The following PARD3 variants were observed in gnomAD, a reference collection of about 807,000 sequenced individuals.
The protein encoded by PARD3 is par-3 family cell polarity regulator.
In PARD3, 75 loss-of-function variants were observed where a neutral mutation model predicts 155.4. The ratio of observed to expected loss-of-function variants is 0.48; its 90% CI spans 0.40 to 0.58. The LOEUF (loss-of-function observed/expected upper bound fraction) is 0.58. Among genes scored for constraint, PARD3 ranks in the 20% least tolerant of loss-of-function variants. The pLI, the probability that PARD3 is intolerant of heterozygous loss-of-function variation, is 0.00. For synonymous variants in PARD3, 576 were observed against 610.5 expected, an observed-to-expected ratio of 0.94 and a Z score of 0.83; for missense variants, 1,642 against 1,721.7, an observed-to-expected ratio of 0.95 and a Z score of 0.82.
chr10:34,443,903 G>T (rs1448301160), intron 5 of PARD3, among the ~76,000 whole-genome samples: 1 of 152,192 alleles, frequency 6.6e-6, no homozygotes, highest in Non-Finnish European at 1.5e-5. Flanking sequence ...CTGAGACTTT[G>T]AGACTTGACA....
intron 23 of PARD3, among the ~76,000 whole-genome samples, chr10:34,131,169 A>G (rs1321129755): frequency 6.6e-6 from 1 of 152,258 alleles, no homozygotes; most frequent in Non-Finnish European, 1.5e-5. Flanking sequence ...ATCTACAGAA[A>G]AATATTTACT....
chr10:34,364,604 TTC>T (rs902615141), intron 12 of PARD3, among the ~76,000 whole-genome samples: 1 of 152,110 alleles, frequency 6.6e-6, no homozygotes, highest in Non-Finnish European at 1.5e-5. Context: ...GACTAACTTT[TTC>T]TCTTTTTTGT....
At chr10:34,573,524 A>C (rs1203325268) in intron 2 of PARD3, among the ~76,000 whole-genome samples, 2 of 152,096 alleles carry the variant, frequency 1.3e-5, no homozygotes, top group African/African-American at 2.4e-5. Flanking sequence ...CAACATGGTA[A>C]AACACCATCT....
chr10:34,538,280 A>T (rs963641405), intron 2 of PARD3, among the ~76,000 whole-genome samples: 15 of 152,260 alleles, frequency 9.9e-5, no homozygotes, highest in African/African-American at 3.4e-4. Flanking sequence ...TAAAAACAAC[A>T]GGAACATCAA....
intron 22 of PARD3, among the ~76,000 whole-genome samples, chr10:34,182,287 C>T (rs1252148868): frequency 6.6e-6 from 1 of 152,168 alleles, no homozygotes; most frequent in Non-Finnish European, 1.5e-5. Flanking sequence ...GTTCAAAATA[C>T]TTGAAGAGAA....
intron 2 of PARD3, among the ~76,000 whole-genome samples, chr10:34,640,872 T>C (rs1564450191): frequency 1.3e-5 from 2 of 151,884 alleles, no homozygotes; most frequent in East Asian, 1.9e-4. Context: ...TTGTGTTTTA[T>C]GGGGGAAAAA....
rs78723645 is a variant in PARD3, at chr10:34,468,793, G to A, written c.582+1292C>T. The stretch of plus-strand genomic sequence containing the variant: ...TTGTCACTAGAATTACTACAGAGAG[G>A]AGTGTGCTGAAATGCAAACCAAAGT... On this transcript the variant is annotated intron_variant, in intron 4 of 24. Transcript: ENST00000374788. Among the ~76,000 whole-genome samples, 58 of 152,188 alleles carry A rather than the reference G, an allele frequency of 3.8e-4. No homozygotes were observed. In the East Asian group the frequency reaches 0.011, roughly 28 times the overall value.
intron 24 of PARD3, among the ~76,000 whole-genome samples, chr10:34,112,961 T>C (rs1946465121): frequency 6.6e-6 from 1 of 152,246 alleles, no homozygotes; most frequent in South Asian, 2.1e-4. Flanking sequence ...TGTGATGGAA[T>C]AGTTTATTTG....
At chr10:34,233,500 T>C (rs1048960858) in intron 22 of PARD3, among the ~76,000 whole-genome samples, 2 of 152,040 alleles carry the variant, frequency 1.3e-5, no homozygotes, top group Non-Finnish European at 2.9e-5. Context: ...CCAGTCTACA[T>C]GTCTTCTCTG....
chr10:34,567,435 C>A (rs946589347), intron 2 of PARD3, among the ~76,000 whole-genome samples: 1 of 152,038 alleles, frequency 6.6e-6, no homozygotes, highest in African/African-American at 2.4e-5. Flanking sequence ...ACTGTGATTA[C>A]CAATATTATA....
At chr10:34,380,753 T>C (rs1841738606) in intron 9 of PARD3, among the ~76,000 whole-genome samples, 1 of 152,196 alleles carries the variant, frequency 6.6e-6, no homozygotes, top group Admixed American at 6.5e-5. Flanking sequence ...ATTAACTAAA[T>C]GAATATTGCT....
chr10:34,768,615 T>C (rs1215876404), intron 1 of PARD3, among the ~76,000 whole-genome samples: 1 of 152,224 alleles, frequency 6.6e-6, no homozygotes, highest in Non-Finnish European at 1.5e-5. Flanking sequence ...GCCTTTTCCC[T>C]GCTTAGTGAT....
chr10:34,368,597 G>C (rs949756946), intron 12 of PARD3, among the ~76,000 whole-genome samples: 5 of 151,784 alleles, frequency 3.3e-5, no homozygotes, highest in Non-Finnish European at 7.4e-5. Context: ...GTGTGAACCC[G>C]GGGGGTGGAG....
intron 21 of PARD3, among the ~76,000 whole-genome samples, chr10:34,279,132 T>C (rs1057448533): frequency 2.7e-5 from 4 of 146,412 alleles, no homozygotes; most frequent in Admixed American, 2.1e-4. Context: ...TATTCATCTA[T>C]ATTTTTTCCT....
intron 2 of PARD3, among the ~76,000 whole-genome samples, chr10:34,690,169 C>T (rs2094028859): frequency 6.6e-6 from 1 of 152,160 alleles, no homozygotes; most frequent in African/African-American, 2.4e-5. Flanking sequence ...ATCCTGATTT[C>T]CTGACCTCAA....
In PARD3 at chr10:34,284,221, G is replaced by T; in HGVS notation, c.3090C>A (p.Asp1030Glu). The stretch of plus-strand genomic sequence containing the variant: ...TTATTTTACCCGTTTTCTCAATCTT[G>T]TCATCTTTTCGATGTTTGCCAAACC... ...MFRFGKHRKD[D>E]KIEKTGKIKI... Residue 1030 changes from aspartate (D) to glutamate (E), a missense_variant, in exon 21 of 25, where the codon GAC becomes GAA. By Grantham distance (45) the Asp-to-Glu change is conservative (BLOSUM62 2). Coordinates refer to ENST00000374788, the MANE Select transcript of PARD3 (RefSeq NM_001184785.2). 1 of 1,608,274 alleles carries T rather than the reference G, an allele frequency of 6.2e-7. No individual in the cohort carries two copies. The highest frequency in any genetic ancestry group is 8.5e-7 in the Non-Finnish European group (1 of 1,177,286).
intron 1 of PARD3, among the ~76,000 whole-genome samples, chr10:34,737,206 A>T (rs2094931541): frequency 1.3e-5 from 2 of 152,082 alleles, no homozygotes; most frequent in Non-Finnish European, 2.9e-5. Flanking sequence ...TGGTTGAGCA[A>T]ATAGTCGGTG....
intron 20 of PARD3, among the ~76,000 whole-genome samples, chr10:34,310,394 G>A (rs1299423516): frequency 6.6e-6 from 1 of 152,162 alleles, no homozygotes; most frequent in Non-Finnish European, 1.5e-5. Context: ...CACACAGCCT[G>A]GAATTGAAAT....
At chr10:34,235,041 G>A (rs1953144050) in intron 22 of PARD3, among the ~76,000 whole-genome samples, 1 of 152,086 alleles carries the variant, frequency 6.6e-6, no homozygotes, top group South Asian at 2.1e-4. Flanking sequence ...ATTTGCCAAA[G>A]CAATTTCTCC....
Sources: gnomAD v4.1 joint callset for allele counts (sites outside exome capture counted in the v4.1 genomes callset) on GRCh38, gnomAD v4.1.1 for gene constraint, MANE v1.5 for transcripts, NCBI Gene and HGNC (gene_info 2026-07-23, HGNC 2026-07-21) for gene names.